PHACTR3: variants seen among roughly 807,000 people sequenced by gnomAD.
The protein encoded by PHACTR3 is protein phosphatase 1, regulatory subunit 123.
In PHACTR3, 16 loss-of-function variants were observed where a neutral mutation model predicts 66.8. The observed-to-expected ratio is 0.24, with a 90% CI of 0.16 to 0.36. The LOEUF is 0.36. PHACTR3 is among the 10% of genes least tolerant of loss of function. The pLI is 1.00. For missense variants in PHACTR3, 647 were observed against 719.9 expected (o/e 0.90, Z 1.16); for synonymous variants, 323 against 292.1 (o/e 1.11, Z -1.08).
intron 1 of PHACTR3, among the ~76,000 whole-genome samples, chr20:59,651,703 G>C (rs551002690): frequency 3.3e-5 from 5 of 152,128 alleles, no homozygotes; most frequent in Admixed American, 6.5e-5. Context: ...CAGACAAAGG[G>C]GTATCGGAAG....
chr20:59,811,187 G>T (rs1414936970), intron 8 of PHACTR3, among the ~76,000 whole-genome samples: 1 of 152,230 alleles, frequency 6.6e-6, no homozygotes, highest in African/African-American at 2.4e-5. Flanking sequence ...ATTTGTTAGA[G>T]CCCTAGCCCT....
chr20:59,612,675 C>T (rs115978208), intron 1 of PHACTR3, among the ~76,000 whole-genome samples: 11,328 of 152,240 alleles, frequency 0.074, 470 homozygotes, highest in South Asian at 0.12. Context: ...TAAGCCACCG[C>T]GCCTGGCTGA....
chr20:59,793,991 G>T (rs948866120), intron 7 of PHACTR3, among the ~76,000 whole-genome samples: 1 of 151,888 alleles, frequency 6.6e-6, no homozygotes, highest in Non-Finnish European at 1.5e-5. Flanking sequence ...AGGTGTGCTG[G>T]TGCATACCTG....
intron 1 of PHACTR3, among the ~76,000 whole-genome samples, chr20:59,699,147 C>T (rs142448902): frequency 3.9e-5 from 6 of 152,262 alleles, no homozygotes; most frequent in African/African-American, 1.2e-4. Context: ...CAGAAAAGGA[C>T]GTAAGTGCAG....
intron 1 of PHACTR3, among the ~76,000 whole-genome samples, chr20:59,584,820 C>T (rs571650872): frequency 2.0e-5 from 3 of 152,302 alleles, no homozygotes; most frequent in Admixed American, 6.5e-5. Context: ...CCTCTCACCC[C>T]CTATTCCGGG....
chr20:59,756,225 G>A (rs77121349), intron 4 of PHACTR3, among the ~76,000 whole-genome samples: 3,396 of 152,260 alleles, frequency 0.022, 59 homozygotes, highest in Non-Finnish European at 0.035. Context: ...TGATTCTTAC[G>A]GAGCTTCACT....
At chr20:59,818,758 C>T (rs1018822029) in intron 8 of PHACTR3, among the ~76,000 whole-genome samples, 1 of 152,334 alleles carries the variant, frequency 6.6e-6, no homozygotes, top group African/African-American at 2.4e-5. Flanking sequence ...TCTTCAGATC[C>T]TTTTCTTCTG....
At chr20:59,589,393 C>T (rs1568919165) in intron 1 of PHACTR3, among the ~76,000 whole-genome samples, 1 of 152,176 alleles carries the variant, frequency 6.6e-6, no homozygotes, top group African/African-American at 2.4e-5. Flanking sequence ...TGTGCAAACA[C>T]GGACGGCCGT....
chr20:59,762,858 T>C lies in PHACTR3; in HGVS notation c.542-4328T>C, dbSNP rs142326111. Among the ~76,000 whole-genome samples, 505 of 152,246 alleles carry C rather than the reference T, an allele frequency of 3.3e-3. 6 individuals are homozygous for C. The highest frequency in any genetic ancestry group is 0.011 in the African/African-American group (476 of 41,534). The stretch of plus-strand genomic sequence containing the variant: ...AACACGTGGGTATTTCTGAGAAATA[T>C]TTTCGAAGTAGAGTTCGTGAGACTT... On this transcript the variant is annotated intron_variant, in intron 4 of 12. Transcript: ENST00000371015.
chr20:59,708,825 A>C (rs2037812069), intron 1 of PHACTR3, among the ~76,000 whole-genome samples: 1 of 152,260 alleles, frequency 6.6e-6, no homozygotes, highest in African/African-American at 2.4e-5. Flanking sequence ...GGATAACTGC[A>C]GTAAACGTTC....
At chr20:59,733,070 TCC>T (rs2030351543) in intron 1 of PHACTR3, among the ~76,000 whole-genome samples, 1 of 104,102 alleles carries the variant, frequency 9.6e-6, no homozygotes, top group African/African-American at 3.4e-5. Flanking sequence ...ATAAATTCAC[TCC>T]TTTTTTTTTT....
At chr20:59,785,730 G>A (rs1568820386) in intron 7 of PHACTR3, among the ~76,000 whole-genome samples, 1 of 152,234 alleles carries the variant, frequency 6.6e-6, no homozygotes, top group African/African-American at 2.4e-5. Context: ...CATCCACAGA[G>A]GAAGGCCGTG....
At chr20:59,826,951 C>G (rs2042209359) in intron 8 of PHACTR3, among the ~76,000 whole-genome samples, 1 of 152,150 alleles carries the variant, frequency 6.6e-6, no homozygotes, top group Admixed American at 6.5e-5. Context: ...TGGTTTTCCT[C>G]CGGAGGATTT....
At chr20:59,656,638 G>C (rs1048194500) in intron 1 of PHACTR3, among the ~76,000 whole-genome samples, 15 of 151,718 alleles carry the variant, frequency 9.9e-5, no homozygotes, top group African/African-American at 3.4e-4. Flanking sequence ...CACATTTATT[G>C]TTATAATGGA....
chr20:59,688,876 G>A (rs1243706290), intron 1 of PHACTR3, among the ~76,000 whole-genome samples: 1 of 152,188 alleles, frequency 6.6e-6, no homozygotes, highest in Non-Finnish European at 1.5e-5. Context: ...GAGTGTTGTA[G>A]GAAGTAAGCT....
At chr20:59,719,573 C>T (rs184535657) in intron 1 of PHACTR3, among the ~76,000 whole-genome samples, 1 of 152,270 alleles carries the variant, frequency 6.6e-6, no homozygotes, top group African/African-American at 2.4e-5. Context: ...AAGGATGTCT[C>T]AGTAGCCTTT....
intron 2 of PHACTR3, among the ~76,000 whole-genome samples, chr20:59,746,695 G>A (rs537714028): frequency 6.6e-6 from 1 of 152,344 alleles, no homozygotes; most frequent in Non-Finnish European, 1.5e-5. Flanking sequence ...GGCTGACTCT[G>A]TCTGTTCCCC....
At chr20:59,611,875 G>A (rs2033861806) in intron 1 of PHACTR3, among the ~76,000 whole-genome samples, 1 of 152,238 alleles carries the variant, frequency 6.6e-6, no homozygotes, top group African/African-American at 2.4e-5. Context: ...CGATTTGAAT[G>A]TGTATTTTGC....
intron 1 of PHACTR3, among the ~76,000 whole-genome samples, chr20:59,721,663 G>GA (rs2038306591): frequency 6.6e-6 from 1 of 152,192 alleles, no homozygotes; most frequent in East Asian, 1.9e-4. Context: ...TCTGGTTGGA[G>GA]CAAAGGGTGA....
Sources: allele counts gnomAD v4.1 joint callset (sites outside exome capture counted in the v4.1 genomes callset), GRCh38; gene constraint gnomAD v4.1.1; transcripts MANE v1.5; gene names NCBI Gene and HGNC (gene_info 2026-07-23, HGNC 2026-07-21).